CDH13: variants seen among roughly 807,000 people sequenced by gnomAD.
The protein encoded by CDH13 is cadherin-13.
Under a neutral mutation model 63.8 loss-of-function variants are expected in CDH13, and 24 were observed. The ratio of observed to expected loss-of-function variants is 0.38; its 90% CI spans 0.27 to 0.53. CDH13 has a LOEUF of 0.53. Among genes scored for constraint, CDH13 ranks in the 20% least tolerant of loss-of-function variants. The pLI, the probability that CDH13 is intolerant of heterozygous loss-of-function variation, is 0.85. For synonymous variants in CDH13, 503 were observed against 355.3 expected, an observed-to-expected ratio of 1.42 and a Z score of -4.67; for missense variants, 1,049 against 903.1, an observed-to-expected ratio of 1.16 and a Z score of -2.07.
rs898074056 is a variant in CDH13, at chr16:83,100,046, G to T, written c.367-25339G>T. On this transcript the variant is annotated intron_variant, in intron 3 of 13. Coordinates refer to ENST00000567109, the MANE Select transcript of CDH13 (RefSeq NM_001257.5). The stretch of plus-strand genomic sequence containing the variant: ...GTAAACACAATTTAGCATCTCGATG[G>T]GTTTCATTGCTCCACATAGGCTCAT... 3.3e-5 allele frequency among the ~76,000 whole-genome samples: 5 copies of T among 152,078 alleles called. 1 individual carries two copies. The highest frequency in any genetic ancestry group is 5.9e-5 in the Non-Finnish European group (4 of 67,980).
intron 4 of CDH13, among the ~76,000 whole-genome samples, chr16:83,136,477 C>G (rs1200727957): frequency 7.1e-6 from 1 of 140,406 alleles, no homozygotes; most frequent in African/African-American, 2.8e-5. Context: ...CAGAGCGGGA[C>G]TCTGTCTCCA....
chr16:83,152,345 T>C (rs1278137892), intron 4 of CDH13, among the ~76,000 whole-genome samples: 1 of 152,218 alleles, frequency 6.6e-6, no homozygotes, highest in Non-Finnish European at 1.5e-5. Context: ...TATTCTCAAA[T>C]AATTTTTAAA....
At chr16:83,684,722 G>A (rs1264755948) in intron 10 of CDH13, among the ~76,000 whole-genome samples, 1 of 152,192 alleles carries the variant, frequency 6.6e-6, no homozygotes, top group South Asian at 2.1e-4. Context: ...TCCTACCCAT[G>A]TAAAATTTCA....
At chr16:82,901,658 G>A (rs762864404) in intron 2 of CDH13, among the ~76,000 whole-genome samples, 6 of 152,114 alleles carry the variant, frequency 3.9e-5, no homozygotes, top group Non-Finnish European at 8.8e-5. Context: ...AATATTGATT[G>A]GATTAAATGG....
intron 3 of CDH13, among the ~76,000 whole-genome samples, chr16:83,095,905 G>T (rs2034170389): frequency 6.6e-6 from 1 of 152,180 alleles, no homozygotes; most frequent in Non-Finnish European, 1.5e-5. Context: ...CGTAAGTACA[G>T]AGAAAGGCAA....
chr16:83,338,093 A>G (rs1038877037), intron 5 of CDH13, among the ~76,000 whole-genome samples: 6 of 149,692 alleles, frequency 4.0e-5, no homozygotes, highest in African/African-American at 1.5e-4. Context: ...TGCGATGAGT[A>G]TTTGTTCAGA....
At chr16:83,558,437 T>C (rs2150683090) in intron 7 of CDH13, among the ~76,000 whole-genome samples, 1 of 152,242 alleles carries the variant, frequency 6.6e-6, no homozygotes, top group East Asian at 1.9e-4. Flanking sequence ...ACTTCTTACC[T>C]GACTGGTTGT....
intron 7 of CDH13, among the ~76,000 whole-genome samples, chr16:83,522,070 G>C (rs1307890773): frequency 6.6e-6 from 1 of 152,142 alleles, no homozygotes; most frequent in Admixed American, 6.5e-5. Context: ...CCTAGGTAAG[G>C]TCTGCAAATC....
intron 5 of CDH13, among the ~76,000 whole-genome samples, chr16:83,260,826 C>G (rs1348938301): frequency 1.3e-5 from 2 of 152,038 alleles, no homozygotes; most frequent in Non-Finnish European, 2.9e-5. Context: ...TTAAAAGCCA[C>G]TTGGATGAAG....
intron 3 of CDH13, among the ~76,000 whole-genome samples, chr16:83,106,603 A>G (rs935343510): frequency 6.6e-6 from 1 of 152,212 alleles, no homozygotes; most frequent in Non-Finnish European, 1.5e-5. Flanking sequence ...ATGATTTAAT[A>G]CATGTTGATA....
chr16:82,693,716 G>GT (rs2029916733), intron 1 of CDH13, among the ~76,000 whole-genome samples: 1 of 152,198 alleles, frequency 6.6e-6, no homozygotes, highest in East Asian at 1.9e-4. Context: ...ACATTCTGAT[G>GT]TTTATTTGAG....
chr16:82,714,429 G>C (rs1357285007), intron 1 of CDH13, among the ~76,000 whole-genome samples: 2 of 152,198 alleles, frequency 1.3e-5, no homozygotes, highest in East Asian at 3.9e-4. Context: ...AAGAAGAAAA[G>C]AGGGTCGGGC....
intron 4 of CDH13, among the ~76,000 whole-genome samples, chr16:83,129,784 G>C (rs1302688306): frequency 6.6e-6 from 1 of 152,218 alleles, no homozygotes; most frequent in Non-Finnish European, 1.5e-5. Flanking sequence ...CAGTCTGCTG[G>C]TCTGCACTGA....
At chr16:83,314,557 TA>T (rs966492045) in intron 5 of CDH13, among the ~76,000 whole-genome samples, 18 of 150,920 alleles carry the variant, frequency 1.2e-4, no homozygotes, top group East Asian at 3.9e-4. Flanking sequence ...GTCAGTGTGT[TA>T]AAAAAAAATA....
intron 6 of CDH13, among the ~76,000 whole-genome samples, chr16:83,373,488 A>G (rs764379518): frequency 3.3e-5 from 5 of 152,160 alleles, no homozygotes; most frequent in Non-Finnish European, 7.4e-5. Flanking sequence ...GACCTGAAAG[A>G]GTAAGGCATG....
At chr16:82,709,755 T>G (rs1486905357) in intron 1 of CDH13, among the ~76,000 whole-genome samples, 1 of 152,096 alleles carries the variant, frequency 6.6e-6, no homozygotes, top group Non-Finnish European at 1.5e-5. Flanking sequence ...GAGCTTCCAT[T>G]TAGTATCTAC....
chr16:83,373,745 G>A (rs2091413824), intron 6 of CDH13, among the ~76,000 whole-genome samples: 1 of 152,206 alleles, frequency 6.6e-6, no homozygotes, highest in South Asian at 2.1e-4. Context: ...TTCACTAGTT[G>A]AGGGATCTTC....
intron 5 of CDH13, among the ~76,000 whole-genome samples, chr16:83,323,229 T>TCTTTCTTTCTTTCCTTC (rs2090278755): frequency 6.7e-6 from 1 of 149,182 alleles, no homozygotes; most frequent in Admixed American, 6.7e-5. Flanking sequence ...TTTCTTTCTT[T>TCTTTCTTTCTTTCCTTC]CTTTCTTTCT....
At chr16:83,011,836 G>C (rs924407202) in intron 2 of CDH13, among the ~76,000 whole-genome samples, 3 of 152,194 alleles carry the variant, frequency 2.0e-5, no homozygotes, top group Non-Finnish European at 4.4e-5. Context: ...AAAGGGTCTT[G>C]CTCTTTGCTG....
Sources: allele counts gnomAD v4.1 joint callset (sites outside exome capture counted in the v4.1 genomes callset), GRCh38; gene constraint gnomAD v4.1.1; transcripts MANE v1.5; gene names NCBI Gene and HGNC (gene_info 2026-07-23, HGNC 2026-07-21).